Variants in PRDM16 observed in about 807,000 individuals in gnomAD.
PRDM16 encodes the protein histone-lysine N-methyltransferase PRDM16.
Under a neutral mutation model 110.6 loss-of-function variants are expected in PRDM16, and 23 were observed. The observed-to-expected ratio is 0.21, with a 90% CI of 0.15 to 0.29. The LOEUF is 0.29. Among genes scored for constraint, PRDM16 ranks in the 10% least tolerant of loss-of-function variants. The pLI is 1.00. For missense variants in PRDM16, 1,615 were observed against 1,794.3 expected, an observed-to-expected ratio of 0.90 and a Z score of 1.81; for synonymous variants, 799 against 781.8, an observed-to-expected ratio of 1.02 and a Z score of -0.37.
At chr1:3,181,318 ACGCAATCTTACACAAG>A (rs1644172251) in intron 1 of PRDM16, among the ~76,000 whole-genome samples, 1 of 144,966 alleles carries the variant, frequency 6.9e-6, no homozygotes, top group African/African-American at 2.6e-5. Context: ...GGTCTTACAC[ACGCAATCTTACACAAG>A]CAGTCTTACA....
rs148566723 is a variant in PRDM16 at position 3,356,877 on chromosome 1, C to T, written c.439-28275C>T. On this transcript the variant is annotated intron_variant, in intron 3 of 16. Coordinates refer to ENST00000270722, the MANE Select transcript of PRDM16 (RefSeq NM_022114.4). The stretch of plus-strand genomic sequence containing the variant: ...GTAGGGACCCTCAGAACCCAGGTGC[C>T]GGCTGGCTACCCCGGATCCCGGCAG... Among the ~76,000 whole-genome samples, 521 of 152,284 alleles carry T rather than the reference C, an allele frequency of 3.4e-3. 3 individuals carry two copies. The highest frequency in any genetic ancestry group is 0.012 in the African/African-American group (500 of 41,564).
At chr1:3,086,271 G>A (rs1642148984) in intron 1 of PRDM16, among the ~76,000 whole-genome samples, 1 of 152,116 alleles carries the variant, frequency 6.6e-6, no homozygotes, top group African/African-American at 2.4e-5. Flanking sequence ...GCTGAGCCTG[G>A]CTCTGCCCTG....
intron 1 of PRDM16, among the ~76,000 whole-genome samples, chr1:3,181,418 ACACACG>A (rs1644178468): frequency 3.4e-5 from 3 of 88,332 alleles, no homozygotes; most frequent in Admixed American, 1.4e-4. Context: ...ACGCAGTCTT[ACACACG>A]CGGTCTTACA....
At chr1:3,344,637 ACT>A (rs1291729567) in intron 3 of PRDM16, among the ~76,000 whole-genome samples, 11 of 151,844 alleles carry the variant, frequency 7.2e-5, no homozygotes, top group Non-Finnish European at 1.5e-4. Context: ...CATTGTAGAA[ACT>A]CTGGATTCTG....
Position 3,081,537 on chromosome 1 carries a change from T to C in PRDM16, c.37+12241T>C, listed in dbSNP as rs1474678901. ...TTTTCTGACAGTCCCCAGCTCTCTC[T>C]GCAGAGTATAGGCTACTGCTTGGCA... On this transcript the variant is annotated intron_variant, in intron 1 of 16. Coordinates refer to ENST00000270722, the MANE Select transcript of PRDM16 (RefSeq NM_022114.4). This position sits in a 1 kb window ranked among gnomAD's most constrained non-coding sequence, Gnocchi z 4.6. 6.6e-6 allele frequency among the ~76,000 whole-genome samples: 1 copy of C among 152,160 alleles called. No individual in the cohort carries two copies. The highest frequency in any genetic ancestry group is 1.5e-5 in the Non-Finnish European group (1 of 68,010).
At chr1:3,225,057 A>G (rs146848169) in intron 2 of PRDM16, among the ~76,000 whole-genome samples, 2,101 of 152,280 alleles carry the variant, frequency 0.014, 22 homozygotes, top group Middle Eastern at 0.054. Context: ...ATTACGGTTC[A>G]GGTCTGCTTG....
intron 3 of PRDM16, among the ~76,000 whole-genome samples, chr1:3,261,515 A>C (rs1267750260): frequency 6.6e-6 from 1 of 152,090 alleles, no homozygotes; most frequent in African/African-American, 2.4e-5. Flanking sequence ...TGCAAAGTCT[A>C]TTTACACAGT....
rs141137556 is a variant in PRDM16 at position 3,359,791 on chromosome 1, G to A, written c.439-25361G>A. On this transcript the variant is annotated intron_variant, in intron 3 of 16. Coordinates refer to ENST00000270722, the MANE Select transcript of PRDM16 (RefSeq NM_022114.4). This position sits in a 1 kb window ranked among gnomAD's most constrained non-coding sequence, Gnocchi z 4.3. ...AGCCAGAAGGCAAGGCGGGAAAAAC[G>A]AGCCTGGCCTGAAACCACGCCCGTG... Among the ~76,000 whole-genome samples the A allele has an allele frequency of 3.5e-3, 524 of 151,350 alleles. 4 individuals are homozygous for A. The highest frequency in any genetic ancestry group is 0.012 in the African/African-American group (498 of 40,652).
rs141319936 is a variant in PRDM16 at position 3,335,471 on chromosome 1, G to A, written c.439-49681G>A. On this transcript the variant is annotated intron_variant, in intron 3 of 16. Coordinates refer to ENST00000270722, the MANE Select transcript of PRDM16 (RefSeq NM_022114.4). ...GTTAGCACGTCGCATGTCCGAAAGC[G>A]TGCTCAACAGGATTCTAAAGGGAGC... 4.2e-3 allele frequency among the ~76,000 whole-genome samples: 643 copies of A among 152,260 alleles called. 4 individuals carry two copies. The highest frequency in any genetic ancestry group is 5.5e-3 in the Non-Finnish European group (377 of 68,022).
chr1:3,097,866 C>T (rs182880937), intron 1 of PRDM16, among the ~76,000 whole-genome samples: 24 of 152,260 alleles, frequency 1.6e-4, no homozygotes, highest in African/African-American at 4.6e-4. Context: ...AGACGCCCCT[C>T]GAGCTGGAGG....
At chr1:3,179,572 G>A (rs1644126981) in intron 1 of PRDM16, among the ~76,000 whole-genome samples, 1 of 152,260 alleles carries the variant, frequency 6.6e-6, no homozygotes. Context: ...CTGCTGTGGG[G>A]TGGCAGATCC....
intron 14 of PRDM16, among the ~76,000 whole-genome samples, chr1:3,430,160 G>A (rs1300707420): frequency 6.6e-6 from 1 of 152,214 alleles, no homozygotes; most frequent in African/African-American, 2.4e-5. Flanking sequence ...ACATGAAGAT[G>A]AGCCAAACTC....
chr1:3,423,508 C>A, intron 12 of PRDM16, among the ~76,000 whole-genome samples: 1 of 152,168 alleles, frequency 6.6e-6, no homozygotes. Context: ...AAGGCCGAGC[C>A]ACACAGCCCC....
rs1011883825 is a variant in PRDM16 at position 3,246,427 on chromosome 1, G to A, written c.438+2290G>A. Among the ~76,000 whole-genome samples, 20 of 152,212 alleles carry A rather than the reference G, an allele frequency of 1.3e-4. No homozygotes were observed. The highest frequency in any genetic ancestry group is 4.3e-4 in the African/African-American group (18 of 41,456). On this transcript the variant is annotated intron_variant, in intron 3 of 16. Transcript: ENST00000270722. The surrounding 1 kb of genome is among the most constrained non-coding windows in gnomAD (Gnocchi z 5.2). The stretch of plus-strand genomic sequence containing the variant: ...AGACCCGATGCACGAGACCCCCCAC[G>A]GCACCGCCGCGACTGCAGGGAGCTC...
intron 5 of PRDM16, among the ~76,000 whole-genome samples, chr1:3,400,808 C>T (rs1272443373): frequency 1.3e-5 from 2 of 152,210 alleles, no homozygotes; most frequent in African/African-American, 4.8e-5. Context: ...GTGTTTGGTG[C>T]ATCTTGACCA....
chr1:3,356,586 A>G (rs1642607599), intron 3 of PRDM16, among the ~76,000 whole-genome samples: 1 of 152,230 alleles, frequency 6.6e-6, no homozygotes, highest in South Asian at 2.1e-4. Context: ...AAGACAGCCC[A>G]TGGAGCGTTT....
intron 16 of PRDM16, among the ~76,000 whole-genome samples, chr1:3,432,526 G>C (rs1638796253): frequency 6.6e-6 from 1 of 152,224 alleles, no homozygotes; most frequent in Non-Finnish European, 1.5e-5. Flanking sequence ...GGGAAGAGCT[G>C]TCCAGCCGGG....
Position 3,425,995 on chromosome 1 carries a change from C to T in PRDM16, c.3110-56C>T. 1 of 1,564,740 alleles carries T rather than the reference C, an allele frequency of 6.4e-7. No homozygotes were observed. Among genetic ancestry groups the T allele is most frequent in the Non-Finnish European group, 8.7e-7 (1 of 1,154,610 alleles). On this transcript the variant is annotated intron_variant, in intron 13 of 16. Coordinates refer to ENST00000270722, the MANE Select transcript of PRDM16 (RefSeq NM_022114.4). The surrounding 1 kb of genome is among the most constrained non-coding windows in gnomAD (Gnocchi z 6.9). The stretch of plus-strand genomic sequence containing the variant: ...TACCCCGTTCGCGGTTGGTTTGCCC[C>T]ACGGAGGGAGGGGTCCAGCGAGAGG...
intron 1 of PRDM16, among the ~76,000 whole-genome samples, chr1:3,145,253 A>C (rs904124436): frequency 6.6e-6 from 1 of 152,090 alleles, no homozygotes; most frequent in Non-Finnish European, 1.5e-5. Flanking sequence ...GAGAGGGTGC[A>C]TGCGGCACGG....
Sources: gnomAD v4.1 joint callset for allele counts (sites outside exome capture counted in the v4.1 genomes callset) on GRCh38, gnomAD v4.1.1 for gene constraint, Gnocchi (gnomAD v3.1) non-coding constraint, MANE v1.5 for transcripts, NCBI Gene and HGNC (gene_info 2026-07-23, HGNC 2026-07-21) for gene names.